Variants in ABHD12 observed in about 807,000 individuals in gnomAD.
The protein encoded by ABHD12 is abhydrolase domain containing 12, lysophospholipase.
A neutral mutation model predicts 58.3 loss-of-function variants in ABHD12; 43 were observed. The observed-to-expected ratio is 0.74, with a 90% CI of 0.58 to 0.95. The LOEUF (loss-of-function observed/expected upper bound fraction) is 0.95. Ranked by LOEUF, ABHD12 falls within the 40% of genes least tolerant of loss-of-function variation. The pLI, the probability that ABHD12 is intolerant of heterozygous loss-of-function variation, is 0.00. For synonymous variants in ABHD12, 219 were observed against 211.2 expected, an observed-to-expected ratio of 1.04 and a Z score of -0.32; for missense variants, 539 against 537.2, an observed-to-expected ratio of 1.00 and a Z score of -0.03.
Position 25,360,227 on chromosome 20 carries a change from C to CTTTTTTTTTTTTTTTTTTTTTTTT in ABHD12, c.192-20900_192-20877dup, listed in dbSNP as rs576215687. 1.9e-4 allele frequency among the ~76,000 whole-genome samples: 7 copies of CTTTTTTTTTTTTTTTTTTTTTTTT among 37,392 alleles called. 3 individuals are homozygous for CTTTTTTTTTTTTTTTTTTTTTTTT. The highest frequency in any genetic ancestry group is 2.4e-4 in the Non-Finnish European group (5 of 21,060). The allele number at this position is 37,392 out of a possible 152,430, so 24.5% of individuals were successfully genotyped here. A position where few individuals can be genotyped will look rare whatever the true frequency, so the allele number is the denominator to read the frequency against. Reference sequence around the variant, plus strand: ...TTAAATTGCCACCTTGAACACGTTACTTTTTTTTTTTTTTTTTTTTTTTTT... The same window carrying CTTTTTTTTTTTTTTTTTTTTTTTT: ...TTAAATTGCCACCTTGAACACGTTACTTTTTTTTTTTTTTTTTTTTTTTTTTTTTTTTTTTTTTTTTTTTTTTTT... On this transcript the variant is annotated intron_variant, in intron 1 of 12. Coordinates refer to ENST00000339157, the MANE Select transcript of ABHD12 (RefSeq NM_001042472.3).
At chr20:25,303,281 AACT>A in intron 11 of ABHD12, 1 of 1,305,104 alleles carries the variant, frequency 7.7e-7, no homozygotes, top group South Asian at 1.5e-5. Flanking sequence ...GAGGACTGGG[AACT>A]ATCTGCTTAT....
At chr20:25,377,999 T>A (rs2146124267) in intron 1 of ABHD12, among the ~76,000 whole-genome samples, 1 of 152,290 alleles carries the variant, frequency 6.6e-6, no homozygotes, top group South Asian at 2.1e-4. Context: ...TCCGGCCAGG[T>A]CCCACTTCTT....
chr20:25,378,698 T>A (rs1235231610), intron 1 of ABHD12, among the ~76,000 whole-genome samples: 1 of 25,088 alleles, frequency 4.0e-5, no homozygotes, highest in East Asian at 2.7e-4. Flanking sequence ...TAATTTGAAC[T>A]TTTTTTTTTT....
At position 25,308,150 on chromosome 20, in the gene ABHD12, G is replaced by A. The variant is rs570842343; in HGVS notation, c.788-105C>T. ...CCAGAAAGCACAAGGAGACCACAGC[G>A]CCTCCCACCAGGCAACCACCTCGGC... On this transcript the variant is annotated intron_variant, in intron 8 of 12. Transcript: ENST00000339157. 182 of 851,590 alleles carry A rather than the reference G, an allele frequency of 2.1e-4. 1 individual carries two copies. The highest frequency in any genetic ancestry group is 1.0e-3 in the South Asian group (75 of 74,080). 52.8% of individuals were successfully genotyped at this position (851,590 alleles called of 1,614,324 possible).
intron 1 of ABHD12, among the ~76,000 whole-genome samples, chr20:25,352,951 G>A (rs2089620755): frequency 6.6e-6 from 1 of 152,144 alleles, no homozygotes; most frequent in Non-Finnish European, 1.5e-5. Flanking sequence ...GGCTGAGTCT[G>A]TAGTGAGCTA....
chr20:25,317,618 T>C (rs1329956039), intron 4 of ABHD12, among the ~76,000 whole-genome samples: 4 of 152,254 alleles, frequency 2.6e-5, no homozygotes, highest in African/African-American at 9.6e-5. Flanking sequence ...TTCACATGTG[T>C]GTGCTCTGCA....
intron 1 of ABHD12, among the ~76,000 whole-genome samples, chr20:25,376,076 C>T (rs1485998531): frequency 2.6e-5 from 4 of 152,146 alleles, no homozygotes; most frequent in Admixed American, 6.5e-5. Context: ...GAGCCCAGAT[C>T]GCACCACTGC....
At chr20:25,355,703 C>A (rs541900182) in intron 1 of ABHD12, among the ~76,000 whole-genome samples, 1 of 152,108 alleles carries the variant, frequency 6.6e-6, no homozygotes, top group Non-Finnish European at 1.5e-5. Context: ...GGATTACAGG[C>A]ACCCACCACC....
Position 25,387,903 on chromosome 20 carries a change from C to T in ABHD12, c.191+2610G>A, listed in dbSNP as rs373655391. ...TAAAACTACAAAAGTTAGCCAGGCA[C>T]GGTGACGGGCGCCTGTAATCCCAGC... is the stretch of plus-strand genomic sequence containing the variant. On this transcript the variant is annotated intron_variant, in intron 1 of 12. Coordinates refer to ENST00000339157, the MANE Select transcript of ABHD12 (RefSeq NM_001042472.3). Among the ~76,000 whole-genome samples, 15 of 151,742 alleles carry T rather than the reference C, an allele frequency of 9.9e-5. No homozygotes were observed. In the East Asian group the frequency reaches 2.9e-3, roughly 29 times the overall value.
In ABHD12 at chr20:25,390,397, T is replaced by C. The variant is rs1252328637; in HGVS notation, c.191+116A>G. 75 of 1,055,128 alleles carry C rather than the reference T, an allele frequency of 7.1e-5. No homozygotes were observed. In the South Asian group the frequency reaches 1.6e-3, roughly 23 times the overall value. 65.4% of individuals were successfully genotyped at this position (1,055,128 alleles called of 1,614,324 possible). A position where few individuals can be genotyped will look rare whatever the true frequency, so the allele number is the denominator to read the frequency against. ...AGGCGCGGACGGGGGCGGCCGCGGA[T>C]CGGGCGGACGGCCACTCTGGGAGGG... is the stretch of plus-strand genomic sequence containing the variant. On this transcript the variant is annotated intron_variant, in intron 1 of 12. Coordinates refer to ENST00000339157, the MANE Select transcript of ABHD12 (RefSeq NM_001042472.3).
intron 1 of ABHD12, among the ~76,000 whole-genome samples, chr20:25,363,876 C>CA (rs1191277494): frequency 3.3e-5 from 5 of 151,422 alleles, no homozygotes; most frequent in East Asian, 3.9e-4. Context: ...AAAAAAACAA[C>CA]AAAAAAAAGA....
intron 1 of ABHD12, 150 bp downstream of exon 1, chr20:25,390,363 G>T: frequency 1.2e-6 from 1 of 806,448 alleles, no homozygotes; most frequent in Non-Finnish European, 1.7e-6. Context: ...CGGGCCAAAT[G>T]CGGGACACAG....
At position 25,388,193 on chromosome 20, in the gene ABHD12, G is replaced by T. The variant is rs960509647; in HGVS notation, c.191+2320C>A. Among the ~76,000 whole-genome samples, 24 of 151,732 alleles carry T rather than the reference G, an allele frequency of 1.6e-4. 1 individual carries two copies. Among genetic ancestry groups the T allele is most frequent in the African/African-American group, 5.8e-4 (24 of 41,266 alleles). ...TGTCTTCTCTACTTCCACGTATGTCGACAATAAAGAGTTTAAAAAATGTGC... is the reference window on the plus strand; with the variant it reads ...TGTCTTCTCTACTTCCACGTATGTCTACAATAAAGAGTTTAAAAAATGTGC... On this transcript the variant is annotated intron_variant, in intron 1 of 12. Coordinates refer to ENST00000339157, the MANE Select transcript of ABHD12 (RefSeq NM_001042472.3).
chr20:25,309,582 G>A lies in ABHD12; in HGVS notation c.620-7C>T, dbSNP rs773504890. 1.3e-5 allele frequency: 21 copies of A among 1,613,900 alleles called. No homozygotes were observed. In the South Asian group the frequency reaches 1.4e-4, roughly 11 times the overall value. ...CCCACTGAGTCACCCCAACCTGGGA[G>A]GGAGAAACGGCAGGACGGGGAGGTC... On this transcript the variant is annotated splice_polypyrimidine_tract_variant and splice_region_variant and intron_variant, in intron 6 of 12. Coordinates refer to ENST00000339157, the MANE Select transcript of ABHD12 (RefSeq NM_001042472.3).
At chr20:25,322,382 T>TATATA (rs1491359839) in intron 3 of ABHD12, among the ~76,000 whole-genome samples, 3 of 38,288 alleles carry the variant, frequency 7.8e-5, no homozygotes, top group African/African-American at 2.8e-4. Flanking sequence ...TATATATATA[T>TATATA]TTTTTTTTTT....
At position 25,320,184 on chromosome 20, in the gene ABHD12, G is replaced by GCTC. The variant is rs1462483819; in HGVS notation, c.542+12_542+14dup. 6.2e-6 allele frequency: 10 copies of GCTC among 1,613,460 alleles called. No homozygotes were observed. Among genetic ancestry groups the GCTC allele is most frequent in the Non-Finnish European group, 8.5e-6 (10 of 1,179,962 alleles). The stretch of plus-strand genomic sequence containing the variant: ...CCATGCTCCACAGCAAAGATGATGG[G>GCTC]CTCCTCTCCCTCACCTGGTACCTGC... On this transcript the variant is annotated intron_variant, in intron 4 of 12. Transcript: ENST00000339157.
At position 25,328,531 on chromosome 20, in the gene ABHD12, G is replaced by C. The variant is rs573060944; in HGVS notation, c.317-5101C>G. On this transcript the variant is annotated intron_variant, in intron 2 of 12. Transcript: ENST00000339157. ...CTGGGCTTCCACTGGCTCCGCTTCAGGCCTCACTCAGTTCTGTGTCTGCAG... is the reference window on the plus strand; with the variant it reads ...CTGGGCTTCCACTGGCTCCGCTTCACGCCTCACTCAGTTCTGTGTCTGCAG... Among the ~76,000 whole-genome samples, 15 of 152,340 alleles carry C rather than the reference G, an allele frequency of 9.8e-5. No individual in the cohort carries two copies. In the South Asian group the frequency reaches 3.1e-3, roughly 32 times the overall value.
chr20:25,361,886 C>A (rs2089753576), intron 1 of ABHD12, among the ~76,000 whole-genome samples: 1 of 151,904 alleles, frequency 6.6e-6, no homozygotes, highest in Admixed American at 6.6e-5. Flanking sequence ...ACCCAGGAGG[C>A]GGAGCTTGCA....
At chr20:25,372,758 C>T (rs1206813699) in intron 1 of ABHD12, among the ~76,000 whole-genome samples, 2 of 152,160 alleles carry the variant, frequency 1.3e-5, no homozygotes, top group African/African-American at 4.8e-5. Flanking sequence ...GCTGTAGCGT[C>T]ACAGTGAAAA....
Sources: allele counts gnomAD v4.1 joint callset (sites outside exome capture counted in the v4.1 genomes callset), GRCh38; gene constraint gnomAD v4.1.1; transcripts MANE v1.5; gene names NCBI Gene and HGNC (gene_info 2026-07-23, HGNC 2026-07-21).